The following ACO2 variants were observed in gnomAD, a reference collection of about 807,000 sequenced individuals.
ACO2 encodes the protein aconitate hydratase, mitochondrial.
ACO2 carries 31 observed loss-of-function variants against 84.5 expected under a neutral mutation model. That is an observed-to-expected ratio of 0.37 (90% CI 0.28 to 0.50). ACO2 has a LOEUF of 0.50. Ranked by LOEUF, ACO2 falls within the 20% of genes least tolerant of loss-of-function variation. ACO2 has a pLI of 0.97. For synonymous variants in ACO2, 414 were observed against 412.7 expected (o/e 1.00, Z -0.04); for missense variants, 685 against 1,029.3 (o/e 0.67, Z 4.58).
chr22:41,528,222 T>TC (rs2066644951), intron 17 of ACO2, 200 bp downstream of exon 17: 4 of 852,506 alleles, frequency 4.7e-6, no homozygotes, highest in Non-Finnish European at 7.1e-6. Flanking sequence ...CCCTCACACC[T>TC]CCCCAACCTC....
In ACO2 at chr22:41,515,832, G is replaced by A; in HGVS notation, c.750G>A (p.Lys250=). ...CCTCACCCAAAGATGTGATCCTGAAGGTGGCAGGCATCCTCACGGTGAAAG... is the reference window on the plus strand; with the variant it reads ...CCTCACCCAAAGATGTGATCCTGAAAGTGGCAGGCATCCTCACGGTGAAAG... ...GWSSPKDVIL[K]VAGILTVKGG... Residue 250 remains lysine (K), a synonymous_variant, in exon 6 of 18, where the codon AAG becomes AAA. Coordinates refer to ENST00000216254, the MANE Select transcript of ACO2 (RefSeq NM_001098.3). The surrounding 1 kb of genome is among the most constrained non-coding windows in gnomAD (Gnocchi z 5.8). 6.2e-7 allele frequency: 1 copy of A among 1,614,230 alleles called. No homozygotes were observed. The highest frequency in any genetic ancestry group is 8.5e-7 in the Non-Finnish European group (1 of 1,180,038).
intron 8 of ACO2, 47 bp from the exon 9 acceptor site, chr22:41,520,124 G>A (rs760376807): frequency 3.9e-6 from 6 of 1,553,426 alleles, no homozygotes; most frequent in South Asian, 1.1e-5. Context: ...CCGCTTCAAG[G>A]TTTCTTCCCT....
chr22:41,472,173 T>G (rs2037953428), intron 1 of ACO2, among the ~76,000 whole-genome samples: 1 of 151,914 alleles, frequency 6.6e-6, no homozygotes. Flanking sequence ...GCCAATATGG[T>G]GAAACCCCAT....
chr22:41,506,971 G>A lies in ACO2; in HGVS notation c.174-820G>A, dbSNP rs141326004. On this transcript the variant is annotated intron_variant, in intron 2 of 17. Coordinates refer to ENST00000216254, the MANE Select transcript of ACO2 (RefSeq NM_001098.3). ...CTGGCAGGGAGAGTGGACCCGCGCAGAGCTCAGTCTAGATGGCTGGGAGGC... is the reference window on the plus strand; with the variant it reads ...CTGGCAGGGAGAGTGGACCCGCGCAAAGCTCAGTCTAGATGGCTGGGAGGC... Among the ~76,000 whole-genome samples, 1,505 of 152,076 alleles carry A rather than the reference G, an allele frequency of 9.9e-3. 29 individuals are homozygous for A. The highest frequency in any genetic ancestry group is 0.033 in the African/African-American group (1,374 of 41,490).
At chr22:41,516,888 A>C (rs1194342025) in intron 6 of ACO2, among the ~76,000 whole-genome samples, 1 of 150,856 alleles carries the variant, frequency 6.6e-6, no homozygotes, top group Non-Finnish European at 1.5e-5. Context: ...ATGCCTGGCT[A>C]ATTTTTTTTG....
rs369109528 is a variant in ACO2 at position 41,524,794 on chromosome 22, A to C, written c.1483-52A>C. On this transcript the variant is annotated intron_variant, in intron 12 of 17. Coordinates refer to ENST00000216254, the MANE Select transcript of ACO2 (RefSeq NM_001098.3). Reference sequence around the variant, plus strand: ...GGCCTAGGCTTTTGGTAGGTGCAGGAGACAGGAGTGGCAATTGGTGCTGAC... The same window carrying C: ...GGCCTAGGCTTTTGGTAGGTGCAGGCGACAGGAGTGGCAATTGGTGCTGAC... The C allele has an allele frequency of 1.8e-5, 29 of 1,613,488 alleles. No individual in the cohort carries two copies. In the African/African-American group the frequency reaches 2.3e-4, roughly 13 times the overall value.
At chr22:41,510,823 C>A (rs76120255) in intron 3 of ACO2, among the ~76,000 whole-genome samples, 1,872 of 152,310 alleles carry the variant, frequency 0.012, 13 homozygotes, top group Non-Finnish European at 0.019. Flanking sequence ...CCCGTGTCAT[C>A]ATTTCGTTTG....
chr22:41,506,015 G>A (rs190440373), intron 2 of ACO2, among the ~76,000 whole-genome samples: 1 of 152,296 alleles, frequency 6.6e-6, no homozygotes, highest in African/African-American at 2.4e-5. Context: ...CTGAGCTGAG[G>A]AGAGCAGTTG....
chr22:41,517,967 G>A (rs1158201622), intron 7 of ACO2, among the ~76,000 whole-genome samples: 2 of 152,218 alleles, frequency 1.3e-5, no homozygotes, highest in Non-Finnish European at 2.9e-5. Flanking sequence ...GACATGGATC[G>A]CTTCTGTTGA....
intron 1 of ACO2, among the ~76,000 whole-genome samples, chr22:41,491,150 A>G (rs1327367329): frequency 6.6e-6 from 1 of 151,998 alleles, no homozygotes; most frequent in African/African-American, 2.4e-5. Context: ...GTGGACAGCA[A>G]ACATTCCAAG....
chr22:41,473,837 A>G (rs1483603149), intron 1 of ACO2, among the ~76,000 whole-genome samples: 3 of 152,184 alleles, frequency 2.0e-5, no homozygotes, highest in African/African-American at 7.2e-5. Flanking sequence ...CCACCTAGGT[A>G]TGAGCTGAGT....
chr22:41,473,104 TGG>T (rs2037965399), intron 1 of ACO2, among the ~76,000 whole-genome samples: 1 of 152,200 alleles, frequency 6.6e-6, no homozygotes, highest in Non-Finnish European at 1.5e-5. Context: ...GTGAATGAAT[TGG>T]TAAATAAGCT....
intron 9 of ACO2, 80 bp downstream of exon 9, chr22:41,520,356 C>A (rs1398862359): frequency 4.4e-6 from 5 of 1,131,888 alleles, no homozygotes; most frequent in Non-Finnish European, 6.4e-6. Flanking sequence ...TCACCTATGC[C>A]TACTGTGTGG....
At chr22:41,501,023 A>T (rs2066350488) in intron 2 of ACO2, among the ~76,000 whole-genome samples, 1 of 148,790 alleles carries the variant, frequency 6.7e-6, no homozygotes, top group African/African-American at 2.5e-5. Flanking sequence ...TTTTTTTTTG[A>T]GACAGGGTCT....
chr22:41,495,725 G>A lies in ACO2; in HGVS notation c.37-4001G>A, dbSNP rs980615695. Among the ~76,000 whole-genome samples the A allele has an allele frequency of 4.0e-5, 6 of 149,600 alleles. No homozygotes were observed. The South Asian group carries it at 6.4e-4, about 16-fold the overall frequency. ...AAGCTCCACCTCCTGGGTTCATGCC[G>A]TTCTCCTGCCTCAGCCTCCCGAGTA... On this transcript the variant is annotated intron_variant, in intron 1 of 17. Transcript: ENST00000216254.
At position 41,517,534 on chromosome 22, in the gene ACO2, G is replaced by A. The variant is rs375540731; in HGVS notation, c.843G>A (p.Ala281=). The part of the protein sequence containing the change: ...GVDSISCTGM[A]TICNMGAEIG... ...GGCTCTGTTGCTCCACAGGCATGGC[G>A]ACAATCTGCAACATGGGTGCAGAAA... Residue 281 remains alanine (A), a synonymous_variant, in exon 7 of 18, where the codon GCG becomes GCA. Coordinates refer to ENST00000216254, the MANE Select transcript of ACO2 (RefSeq NM_001098.3). 50 of 1,613,580 alleles carry A rather than the reference G, an allele frequency of 3.1e-5. No individual in the cohort carries two copies. The highest frequency in any genetic ancestry group is 4.0e-5 in the Non-Finnish European group (47 of 1,179,960).
At chr22:41,477,453 C>A (rs1416795435) in intron 1 of ACO2, among the ~76,000 whole-genome samples, 1 of 151,968 alleles carries the variant, frequency 6.6e-6, no homozygotes, top group Non-Finnish European at 1.5e-5. Context: ...GCCACCGCAC[C>A]CGACCTCTTT....
intron 2 of ACO2, among the ~76,000 whole-genome samples, chr22:41,507,415 T>C (rs1715257348): frequency 6.6e-6 from 1 of 152,126 alleles, no homozygotes; most frequent in Non-Finnish European, 1.5e-5. Flanking sequence ...GTTAAATGGC[T>C]TTCTTGGTTG....
intron 1 of ACO2, among the ~76,000 whole-genome samples, chr22:41,479,357 T>C (rs2038059845): frequency 1.3e-5 from 2 of 152,180 alleles, no homozygotes; most frequent in Admixed American, 6.5e-5. Flanking sequence ...TTTACAAATA[T>C]TGCCTCATTT....
Sources: gnomAD v4.1 joint callset for allele counts (sites outside exome capture counted in the v4.1 genomes callset) on GRCh38, gnomAD v4.1.1 for gene constraint, Gnocchi (gnomAD v3.1) non-coding constraint, MANE v1.5 for transcripts, NCBI Gene and HGNC (gene_info 2026-07-23, HGNC 2026-07-21) for gene names.